The following KLHL4 variants were observed in gnomAD, a reference collection of about 807,000 sequenced individuals.
KLHL4 encodes kelch-like protein 4.
Under a neutral mutation model 45.8 loss-of-function variants are expected in KLHL4, and 17 were observed. The observed-to-expected ratio is 0.37, with a 90% CI of 0.25 to 0.56. The LOEUF is 0.56. Among genes scored for constraint, KLHL4 ranks in the 20% least tolerant of loss-of-function variants. The pLI is 0.79. For missense variants in KLHL4, 544 were observed against 544.9 expected, an observed-to-expected ratio of 1.00 and a Z score of 0.02; for synonymous variants, 224 against 189.9, an observed-to-expected ratio of 1.18 and a Z score of -1.47.
At chrX:87,656,043 G>C (rs974513442) in intron 9 of KLHL4, among the ~76,000 whole-genome samples, 2 of 111,515 alleles carry the variant, frequency 1.8e-5, no homozygotes, top group Admixed American at 1.9e-4. Flanking sequence ...TAAGGCTTCT[G>C]CTGAGAAGTC....
chrX:87,580,998 T>C (rs1032898177), intron 1 of KLHL4, among the ~76,000 whole-genome samples: 1 of 112,031 alleles, frequency 8.9e-6, no homozygotes, highest in African/African-American at 3.2e-5. Flanking sequence ...GCCAGGTTGA[T>C]TGTTTGGACA....
At chrX:87,564,420 GA>G (rs1295046320) in intron 1 of KLHL4, among the ~76,000 whole-genome samples, 20 of 103,410 alleles carry the variant, frequency 1.9e-4, no homozygotes, top group African/African-American at 5.6e-4. Context: ...GTAACTTCAG[GA>G]AAAAAAAAAT....
At chrX:87,582,700 T>G (rs1454524141) in intron 1 of KLHL4, among the ~76,000 whole-genome samples, 5 of 111,972 alleles carry the variant, frequency 4.5e-5, no homozygotes, top group Admixed American at 9.4e-5. Context: ...GATCATTTTG[T>G]GTCCAGAGTT....
intron 1 of KLHL4, among the ~76,000 whole-genome samples, chrX:87,589,523 G>A (rs377662198): frequency 2.7e-5 from 3 of 111,703 alleles, no homozygotes; most frequent in African/African-American, 9.8e-5. Context: ...GGATGGAACT[G>A]GAGATCATTA....
At chrX:87,568,381 T>C (rs1932261261) in intron 1 of KLHL4, among the ~76,000 whole-genome samples, 1 of 75,263 alleles carries the variant, frequency 1.3e-5, no homozygotes, top group Non-Finnish European at 2.5e-5. Context: ...TCTTTTTCTT[T>C]TCTTTTTTTC....
At chrX:87,543,623 A>G (rs926221982) in intron 1 of KLHL4, among the ~76,000 whole-genome samples, 1 of 111,066 alleles carries the variant, frequency 9.0e-6, no homozygotes, top group African/African-American at 3.3e-5. Flanking sequence ...GGAAACCCAG[A>G]CCAAACTCAG....
intron 1 of KLHL4, among the ~76,000 whole-genome samples, chrX:87,612,375 A>G (rs966539818): frequency 8.9e-6 from 1 of 111,943 alleles, no homozygotes; most frequent in African/African-American, 3.2e-5. Flanking sequence ...CTATTGTGCT[A>G]TAGTTGCCTA....
chrX:87,547,601 T>A (rs1464426230), intron 1 of KLHL4, among the ~76,000 whole-genome samples: 1 of 110,591 alleles, frequency 9.0e-6, no homozygotes, highest in Non-Finnish European at 1.9e-5. Flanking sequence ...GGCGGGTGGA[T>A]CATGAGGTCA....
rs191389579 is a variant in KLHL4 at position 87,586,034 on chromosome X, T to C, written c.423-27843T>C. On this transcript the variant is annotated intron_variant, in intron 1 of 10. Transcript: ENST00000373119. Reference sequence around the variant, plus strand: ...AAACTATAAAAAGTGAAAAAGATGGTCACTATATCATGATAAAGGTATCTA... The same window carrying C: ...AAACTATAAAAAGTGAAAAAGATGGCCACTATATCATGATAAAGGTATCTA... 3.5e-3 allele frequency among the ~76,000 whole-genome samples: 395 copies of C among 111,642 alleles called. 6 individuals carry two copies. In the South Asian group the frequency reaches 0.048, roughly 14 times the overall value.
intron 1 of KLHL4, among the ~76,000 whole-genome samples, chrX:87,564,390 G>C (rs1035334352): frequency 2.7e-5 from 3 of 109,425 alleles, no homozygotes; most frequent in African/African-American, 9.9e-5. Context: ...TAGGATATAA[G>C]ATGTTATTTG....
At position 87,628,693 on chromosome X, in the gene KLHL4, A is replaced by AC. The variant is rs761240607; in HGVS notation, c.1324+2902dup. On this transcript the variant is annotated intron_variant, in intron 6 of 10. Transcript: ENST00000373119. ...ACCCATGTAACCTAAAACCACCTGT[A>AC]CCCCCAACACTATTGAAATTTTAAA... Among the ~76,000 whole-genome samples the AC allele has an allele frequency of 5.0e-3, 558 of 111,372 alleles. 4 individuals are homozygous for AC. Among genetic ancestry groups the AC allele is most frequent in the African/African-American group, 0.017 (533 of 30,687 alleles).
intron 9 of KLHL4, among the ~76,000 whole-genome samples, chrX:87,650,814 G>A (rs1264761742): frequency 1.8e-5 from 2 of 111,781 alleles, no homozygotes; most frequent in Admixed American, 1.9e-4. Flanking sequence ...ACAGTTCCAC[G>A]TGGCTGGGGA....
chrX:87,584,825 A>G (rs1921407932), intron 1 of KLHL4, among the ~76,000 whole-genome samples: 1 of 104,137 alleles, frequency 9.6e-6, no homozygotes, highest in African/African-American at 3.5e-5. Context: ...ATAAGAGAGA[A>G]CTTCCCAAAC....
intron 9 of KLHL4, among the ~76,000 whole-genome samples, chrX:87,644,016 C>T (rs958702111): frequency 9.0e-6 from 1 of 111,344 alleles, no homozygotes; most frequent in African/African-American, 3.3e-5. Context: ...ACTGTCTGCA[C>T]TCCTCTTCAA....
rs5924052 is a variant in KLHL4, at chrX:87,599,021, C to T, written c.423-14856C>T. Among the ~76,000 whole-genome samples, 260 of 110,467 alleles carry T rather than the reference C, an allele frequency of 2.4e-3. 1 individual carries two copies. Among genetic ancestry groups the T allele is most frequent in the Non-Finnish European group, 3.4e-3 (178 of 52,782 alleles). On this transcript the variant is annotated intron_variant, in intron 1 of 10. Coordinates refer to ENST00000373119, the MANE Select transcript of KLHL4 (RefSeq NM_019117.5). Reference sequence around the variant, plus strand: ...GAAAAAAAATTCAAACATATTTAGTCATTATGTGTTTACATAACATAATTT... The same window carrying T: ...GAAAAAAAATTCAAACATATTTAGTTATTATGTGTTTACATAACATAATTT...
At chrX:87,616,672 T>C (rs1365097081) in intron 3 of KLHL4, among the ~76,000 whole-genome samples, 2 of 111,824 alleles carry the variant, frequency 1.8e-5, no homozygotes, top group Non-Finnish European at 3.8e-5. Flanking sequence ...CGAAGACATT[T>C]ATAACTATTC....
At position 87,635,694 on chromosome X, in the gene KLHL4, A is replaced by G. The variant is rs967592177; in HGVS notation, c.1844A>G (p.Tyr615Cys). 2 of 1,210,537 alleles carry G rather than the reference A, an allele frequency of 1.7e-6. No homozygotes were observed. The highest frequency in any genetic ancestry group is 1.1e-6 in the Non-Finnish European group (1 of 894,200). ...KRRGGVGVAT[Y>C]NGFLYVVGGH... The stretch of plus-strand genomic sequence containing the variant: ...CGTGGAGGTGTGGGAGTTGCCACAT[A>G]CAATGGATTCTTATATGTTGTAGGG... Residue 615 changes from tyrosine to cysteine, a missense_variant, in exon 9 of 11, where the codon TAC becomes TGC. Transcript: ENST00000373119.
At chrX:87,542,352 C>A (rs1448038008) in intron 1 of KLHL4, among the ~76,000 whole-genome samples, 1 of 111,923 alleles carries the variant, frequency 8.9e-6, no homozygotes, top group Non-Finnish European at 1.9e-5. Flanking sequence ...GACTCCTGGG[C>A]ATGTCAGAGA....
chrX:87,585,652 T>C (rs1921448094), intron 1 of KLHL4, among the ~76,000 whole-genome samples: 1 of 110,990 alleles, frequency 9.0e-6, no homozygotes, highest in Non-Finnish European at 1.9e-5. Flanking sequence ...AACAAAATTA[T>C]ATCACCAGAA....
Sources: gnomAD v4.1 joint callset for allele counts (sites outside exome capture counted in the v4.1 genomes callset) on GRCh38, gnomAD v4.1.1 for gene constraint, MANE v1.5 for transcripts, NCBI Gene and HGNC (gene_info 2026-07-23, HGNC 2026-07-21) for gene names.